ANGPT1: variants seen among roughly 807,000 people sequenced by gnomAD.
ANGPT1 encodes angiopoietin 1.
ANGPT1 carries 17 observed loss-of-function variants against 62.2 expected under a neutral mutation model. That is an observed-to-expected ratio of 0.27 (90% confidence interval 0.19 to 0.41). The LOEUF (loss-of-function observed/expected upper bound fraction) is 0.41, where lower values mean the gene tolerates loss of function less well. Ranked by LOEUF, ANGPT1 falls within the 10% of genes least tolerant of loss-of-function variation. The pLI is 1.00. For synonymous variants in ANGPT1, 199 were observed against 198.9 expected, an observed-to-expected ratio of 1.00 and a Z score of 0.00; for missense variants, 478 against 594.9, an observed-to-expected ratio of 0.80 and a Z score of 2.04.
rs377442517 is a variant in ANGPT1 at position 107,251,871 on chromosome 8, C to T, written c.1481G>A (p.Arg494Gln). The change falls in exon 9 of 9, where the codon CGA (arginine) becomes CAA (glutamine). Residue 494 changes from arginine (R) to glutamine (Q), a missense_variant. Physicochemically the swap from Arg to Gln is conservative, Grantham distance 43. This residue lies in a region of ANGPT1 where 35 missense variants were observed against 49.6 expected (regional missense o/e 0.71). Coordinates refer to ENST00000517746, the MANE Select transcript of ANGPT1 (RefSeq NM_001146.5). ...ATTGCGCTTTCAAAAATCTAAAGGT[C>T]GAATCATCATAGTTGTGGAACGTAA... Reference protein sequence around the residue: ...YSLRSTTMMIRPLDF With the variant: ...YSLRSTTMMIQPLDF The T allele has an allele frequency of 7.7e-5, 125 of 1,613,752 alleles. 1 individual carries two copies. The highest frequency in any genetic ancestry group is 7.9e-5 in the Non-Finnish European group (93 of 1,179,804).
chr8:107,439,727 C>G (rs989870552), intron 1 of ANGPT1, among the ~76,000 whole-genome samples: 2 of 152,168 alleles, frequency 1.3e-5, no homozygotes, highest in African/African-American at 4.8e-5. Context: ...GTTTGTATTG[C>G]TGCTCAAAAG....
intron 1 of ANGPT1, among the ~76,000 whole-genome samples, chr8:107,466,637 C>A (rs1318111157): frequency 1.3e-5 from 2 of 152,092 alleles, no homozygotes; most frequent in Non-Finnish European, 2.9e-5. Context: ...TGAGGCTGGG[C>A]ACAGTGGCTC....
chr8:107,431,719 G>A (rs776344365), intron 1 of ANGPT1, among the ~76,000 whole-genome samples: 1 of 129,758 alleles, frequency 7.7e-6, no homozygotes, highest in Non-Finnish European at 1.6e-5. Flanking sequence ...CAGATTTTCA[G>A]GGAAACTACT....
At chr8:107,381,328 A>C (rs1190672232) in intron 1 of ANGPT1, among the ~76,000 whole-genome samples, 2 of 152,176 alleles carry the variant, frequency 1.3e-5, no homozygotes, top group Non-Finnish European at 2.9e-5. Flanking sequence ...GTGTGCCGGG[A>C]ACTTGCCCAG....
intron 1 of ANGPT1, among the ~76,000 whole-genome samples, chr8:107,354,429 G>A (rs1383660547): frequency 1.3e-5 from 2 of 152,046 alleles, no homozygotes; most frequent in African/African-American, 4.8e-5. Context: ...TTGGGTTTAA[G>A]TTCTTCATCT....
intron 1 of ANGPT1, among the ~76,000 whole-genome samples, chr8:107,377,553 A>G (rs2130262300): frequency 6.6e-6 from 1 of 152,178 alleles, no homozygotes; most frequent in East Asian, 1.9e-4. Flanking sequence ...CTTTGGGACT[A>G]TTTTAAAGTA....
chr8:107,257,879 T>TTTTG (rs1563537215), intron 8 of ANGPT1, among the ~76,000 whole-genome samples: 4 of 68,654 alleles, frequency 5.8e-5, no homozygotes, highest in African/African-American at 2.1e-4. Context: ...TGTTTTTGTT[T>TTTTG]CTTTTTTGTT....
intron 4 of ANGPT1, among the ~76,000 whole-genome samples, chr8:107,316,207 G>A (rs1354762179): frequency 6.6e-6 from 1 of 152,042 alleles, no homozygotes; most frequent in Non-Finnish European, 1.5e-5. Context: ...ATTTACCCCT[G>A]TTTAATATGG....
intron 1 of ANGPT1, among the ~76,000 whole-genome samples, chr8:107,358,376 ATT>A (rs5893848): frequency 0.052 from 7,808 of 149,926 alleles, 644 homozygotes; most frequent in African/African-American, 0.18. Context: ...TAAAATCCCT[ATT>A]TTTTTTTTTC....
rs570258262 is a variant in ANGPT1 at position 107,389,945 on chromosome 8, A to C, written c.298-42848T>G. Reference sequence around the variant, plus strand: ...CATAAGGTTTCTTCCTAAAAAAAAAAAAAAATCATGCTGCAGTAAGCTCTT... The same window carrying C: ...CATAAGGTTTCTTCCTAAAAAAAAACAAAAATCATGCTGCAGTAAGCTCTT... On this transcript the variant is annotated intron_variant, in intron 1 of 8. Transcript: ENST00000517746. Among the ~76,000 whole-genome samples the C allele has an allele frequency of 6.7e-5, 9 of 133,632 alleles. No homozygotes were observed. In the East Asian group the frequency reaches 2.7e-3, roughly 41 times the overall value. 87.7% of individuals were successfully genotyped at this position (133,632 alleles called of 152,430 possible).
chr8:107,354,345 T>C (rs546490967), intron 1 of ANGPT1, among the ~76,000 whole-genome samples: 1 of 151,894 alleles, frequency 6.6e-6, no homozygotes, highest in Non-Finnish European at 1.5e-5. Context: ...CAGCCAGGAG[T>C]CAGGATATCT....
At chr8:107,298,173 G>A (rs1814465960) in intron 5 of ANGPT1, among the ~76,000 whole-genome samples, 1 of 151,804 alleles carries the variant, frequency 6.6e-6, no homozygotes, top group Non-Finnish European at 1.5e-5. Context: ...CAAACAAAAC[G>A]GGGAAATTTG....
chr8:107,424,830 A>C (rs181867427), intron 1 of ANGPT1, among the ~76,000 whole-genome samples: 103 of 152,352 alleles, frequency 6.8e-4, no homozygotes, highest in Non-Finnish European at 1.3e-3. Flanking sequence ...TTTGTTATAC[A>C]TTAAAACACA....
intron 7 of ANGPT1, among the ~76,000 whole-genome samples, chr8:107,280,314 T>C (rs1813974614): frequency 6.6e-6 from 1 of 151,948 alleles, no homozygotes; most frequent in African/African-American, 2.4e-5. Context: ...GATTCTCTTG[T>C]CTCAGCGTCC....
chr8:107,415,086 T>C (rs961665395), intron 1 of ANGPT1, among the ~76,000 whole-genome samples: 4 of 152,186 alleles, frequency 2.6e-5, no homozygotes, highest in African/African-American at 9.6e-5. Flanking sequence ...GATCAAGGAA[T>C]GTGGGTTGCA....
intron 1 of ANGPT1, among the ~76,000 whole-genome samples, chr8:107,444,831 C>T (rs937636726): frequency 6.6e-6 from 1 of 152,054 alleles, no homozygotes; most frequent in Non-Finnish European, 1.5e-5. Context: ...TAAATTGCAC[C>T]TCTCTACCCA....
rs181217804 is a variant in ANGPT1 at position 107,329,857 on chromosome 8, T to G, written c.575+6293A>C. On this transcript the variant is annotated intron_variant, in intron 3 of 8. Coordinates refer to ENST00000517746, the MANE Select transcript of ANGPT1 (RefSeq NM_001146.5). ...AAAATAAAACACATTCTCTGTGTCC[T>G]AGAAGGTCACAGCCTAATAGTATGG... is the stretch of plus-strand genomic sequence containing the variant. 2.0e-5 allele frequency among the ~76,000 whole-genome samples: 3 copies of G among 152,234 alleles called. No homozygotes were observed. In the East Asian group the frequency reaches 5.8e-4, roughly 29 times the overall value.
At chr8:107,382,745 A>T (rs556053455) in intron 1 of ANGPT1, among the ~76,000 whole-genome samples, 1 of 152,096 alleles carries the variant, frequency 6.6e-6, no homozygotes, top group Non-Finnish European at 1.5e-5. Flanking sequence ...CCAAACCCCG[A>T]AAGTTTTGGA....
chr8:107,454,241 C>T (rs1475271928), intron 1 of ANGPT1, among the ~76,000 whole-genome samples: 5 of 151,968 alleles, frequency 3.3e-5, no homozygotes, highest in Non-Finnish European at 7.4e-5. Context: ...ACTTGAGTGA[C>T]CTTAAAAGCC....
Sources: allele counts gnomAD v4.1 joint callset (sites outside exome capture counted in the v4.1 genomes callset), GRCh38; gene constraint gnomAD v4.1.1; regional missense constraint gnomAD v4.1.1; transcripts MANE v1.5; gene names NCBI Gene and HGNC (gene_info 2026-07-23, HGNC 2026-07-21).